The following ETV6 variants were observed in gnomAD, a reference collection of about 807,000 sequenced individuals.
ETV6 encodes the protein ETS variant transcription factor 6.
Under a neutral mutation model 51.1 loss-of-function variants are expected in ETV6, and 16 were observed. The observed-to-expected ratio is 0.31, with a 90% CI of 0.21 to 0.48. The LOEUF (loss-of-function observed/expected upper bound fraction) is 0.48, where lower values mean the gene tolerates loss of function less well. Among genes scored for constraint, ETV6 ranks in the 20% least tolerant of loss-of-function variants. The probability of loss-of-function intolerance (pLI) is 0.99; values close to 1 mark genes in which losing one functional copy is unlikely to be tolerated. For synonymous variants in ETV6, 240 were observed against 224.1 expected (o/e 1.07, Z -0.64); for missense variants, 458 against 594.8 (o/e 0.77, Z 2.39).
intron 1 of ETV6, among the ~76,000 whole-genome samples, chr12:11,732,520 G>A (rs77112971): frequency 0.018 from 2,721 of 152,300 alleles, 36 homozygotes; most frequent in African/African-American, 0.031. Flanking sequence ...GGAGAAGGAC[G>A]TTGTCCTTCA....
intron 1 of ETV6, among the ~76,000 whole-genome samples, chr12:11,678,749 A>G (rs183870314): frequency 3.3e-5 from 5 of 152,350 alleles, no homozygotes; most frequent in South Asian, 2.1e-4. Context: ...GTGTCATTCA[A>G]TCAGAGTCCA....
At position 11,869,300 on chromosome 12, in the gene ETV6, C is replaced by A; in HGVS notation, c.464-124C>A. The A allele has an allele frequency of 1.2e-6, 1 of 809,732 alleles. No individual in the cohort carries two copies. Among genetic ancestry groups the A allele is most frequent in the Non-Finnish European group, 2.0e-6 (1 of 509,286 alleles). 50.2% of individuals were successfully genotyped at this position (809,732 alleles called of 1,614,324 possible). A position where few individuals can be genotyped will look rare whatever the true frequency, so the allele number is the denominator to read the frequency against. ...TAAGCAGTGAAAAAGACACTGCATT[C>A]TGGGGAGAAAGGTCCTTTACACATA... On this transcript the variant is annotated intron_variant, in intron 4 of 7. Transcript: ENST00000396373. This position sits in a 1 kb window ranked among gnomAD's most constrained non-coding sequence, Gnocchi z 5.0.
intron 2 of ETV6, among the ~76,000 whole-genome samples, chr12:11,835,613 A>G (rs1422087102): frequency 2.0e-5 from 3 of 152,174 alleles, no homozygotes; most frequent in Non-Finnish European, 4.4e-5. Flanking sequence ...AGTCCCACCT[A>G]CACCTCCCTC....
intron 1 of ETV6, among the ~76,000 whole-genome samples, chr12:11,666,527 G>C (rs2120670415): frequency 1.3e-5 from 2 of 152,320 alleles, no homozygotes; most frequent in Middle Eastern, 3.4e-3. Flanking sequence ...GAGTGTGTTA[G>C]GGTTATGAAT....
In ETV6 at chr12:11,752,877, G is replaced by A. The variant is rs146720084; in HGVS notation, c.163+298G>A. On this transcript the variant is annotated intron_variant, in intron 2 of 7. Transcript: ENST00000396373. ...AACTAAATCTCCTAGTAGACAAGATGATTTCTGTGTGTGTGCAAAGTTTAT... is the reference window on the plus strand; with the variant it reads ...AACTAAATCTCCTAGTAGACAAGATAATTTCTGTGTGTGTGCAAAGTTTAT... 7.9e-4 allele frequency: 203 copies of A among 258,564 alleles called. 3 individuals carry two copies. The Middle Eastern group carries it at 0.014, about 18-fold the overall frequency. The allele number at this position is 258,564 out of a possible 1,614,324, so 16.0% of individuals were successfully genotyped here. A position where few individuals can be genotyped will look rare whatever the true frequency, so the allele number is the denominator to read the frequency against.
At chr12:11,669,381 C>CCCTCCATCCCTCCCTCCCTCCCTA (rs1864264224) in intron 1 of ETV6, among the ~76,000 whole-genome samples, 1 of 28,088 alleles carries the variant, frequency 3.6e-5, no homozygotes, top group Non-Finnish European at 2.1e-4. Flanking sequence ...CTTCCTCCCT[C>CCCTCCATCCCTCCCTCCCTCCCTA]CCTCCCTCCC....
intron 1 of ETV6, among the ~76,000 whole-genome samples, chr12:11,677,361 A>G (rs908744350): frequency 6.6e-6 from 1 of 152,202 alleles, no homozygotes; most frequent in African/African-American, 2.4e-5. Flanking sequence ...GCTCTGACTA[A>G]GAGAACATAG....
intron 7 of ETV6, among the ~76,000 whole-genome samples, chr12:11,890,693 A>T (rs1666994696): frequency 6.6e-6 from 1 of 151,932 alleles, no homozygotes; most frequent in South Asian, 2.1e-4. Context: ...CCAAAGCACT[A>T]GGATTATATG....
At chr12:11,726,202 A>T (rs1328458646) in intron 1 of ETV6, among the ~76,000 whole-genome samples, 1 of 152,222 alleles carries the variant, frequency 6.6e-6, no homozygotes, top group Non-Finnish European at 1.5e-5. Context: ...GAGAATTCTT[A>T]AGGGCATTTG....
chr12:11,793,754 A>G (rs917314666), intron 2 of ETV6, among the ~76,000 whole-genome samples: 1 of 152,168 alleles, frequency 6.6e-6, no homozygotes, highest in Non-Finnish European at 1.5e-5. Context: ...GCGTAGCGCT[A>G]TGTGACTCTT....
At position 11,697,744 on chromosome 12, in the gene ETV6, G is replaced by T. The variant is rs144030004; in HGVS notation, c.33+47584G>T. ...AGGAGTAATTAATTAAAAAATGAAGGCAGAATCCACATCTTCACAAAAGTT... is the reference window on the plus strand; with the variant it reads ...AGGAGTAATTAATTAAAAAATGAAGTCAGAATCCACATCTTCACAAAAGTT... On this transcript the variant is annotated intron_variant, in intron 1 of 7. Transcript: ENST00000396373. Among the ~76,000 whole-genome samples the T allele has an allele frequency of 3.3e-5, 5 of 152,244 alleles. 1 individual carries two copies. The East Asian group carries it at 9.7e-4, about 29-fold the overall frequency.
Position 11,824,947 on chromosome 12 carries a change from C to T in ETV6, c.164-14193C>T, listed in dbSNP as rs143753889. On this transcript the variant is annotated intron_variant, in intron 2 of 7. Transcript: ENST00000396373. The stretch of plus-strand genomic sequence containing the variant: ...GAACCATGCCATTTCATAAAAATTT[C>T]GGAACATTGTCTTCAGATGAAAATG... Among the ~76,000 whole-genome samples the T allele has an allele frequency of 7.9e-3, 1,206 of 152,222 alleles. 21 individuals are homozygous for T. Among genetic ancestry groups the T allele is most frequent in the African/African-American group, 0.027 (1,141 of 41,522 alleles).
At chr12:11,823,505 C>G (rs1946112030) in intron 2 of ETV6, among the ~76,000 whole-genome samples, 1 of 146,442 alleles carries the variant, frequency 6.8e-6, no homozygotes, top group Non-Finnish European at 1.5e-5. Flanking sequence ...CTGGCACCGT[C>G]TCCCAGGCTG....
intron 2 of ETV6, among the ~76,000 whole-genome samples, chr12:11,788,935 C>T (rs906776653): frequency 2.6e-5 from 4 of 152,046 alleles, no homozygotes; most frequent in African/African-American, 9.7e-5. Context: ...CCATTTGAAG[C>T]TGAGTCACCT....
chr12:11,870,118 T>C, intron 5 of ETV6, 149 bp downstream of exon 5: 1 of 883,768 alleles, frequency 1.1e-6, no homozygotes, highest in South Asian at 1.8e-5. Flanking sequence ...TCTGCTTGGA[T>C]GAGGCTAAAT....
At chr12:11,762,760 C>G (rs919964043) in intron 2 of ETV6, among the ~76,000 whole-genome samples, 7 of 152,180 alleles carry the variant, frequency 4.6e-5, no homozygotes, top group Admixed American at 4.6e-4. Context: ...TTGCTGGAAT[C>G]ATCTACTCAT....
At chr12:11,827,289 G>C (rs575381443) in intron 2 of ETV6, among the ~76,000 whole-genome samples, 1 of 152,220 alleles carries the variant, frequency 6.6e-6, no homozygotes, top group East Asian at 1.9e-4. Context: ...TTTCGGTGGA[G>C]GGTAGATTCG....
intron 1 of ETV6, among the ~76,000 whole-genome samples, chr12:11,747,693 C>A (rs897630863): frequency 6.6e-6 from 1 of 152,032 alleles, no homozygotes; most frequent in African/African-American, 2.4e-5. Context: ...AAAAAAATGT[C>A]GACTTTCAAG....
At chr12:11,650,358 G>A (rs1317948667) in intron 1 of ETV6, among the ~76,000 whole-genome samples, 198 bp downstream of exon 1, 1 of 59,320 alleles carries the variant, frequency 1.7e-5, no homozygotes, top group Non-Finnish European at 4.7e-5. Context: ...CCCCACCGCC[G>A]AGCCCCTGCC....
Sources: allele counts gnomAD v4.1 joint callset (sites outside exome capture counted in the v4.1 genomes callset), GRCh38; gene constraint gnomAD v4.1.1; non-coding constraint Gnocchi (gnomAD v3.1); transcripts MANE v1.5; gene names NCBI Gene and HGNC (gene_info 2026-07-23, HGNC 2026-07-21).